CYTL1: variants seen among roughly 807,000 people sequenced by gnomAD.
CYTL1 encodes cytokine-like protein 1.
A neutral mutation model predicts 13.1 loss-of-function variants in CYTL1; 17 were observed. The observed-to-expected ratio is 1.29, with a 90% CI of 0.89 to 1.94. The LOEUF (loss-of-function observed/expected upper bound fraction) is 1.94. Ranked by LOEUF, CYTL1 falls within the 30% of genes most tolerant of loss-of-function variation. The pLI is 0.00. For synonymous variants in CYTL1, 91 were observed against 79.4 expected, an observed-to-expected ratio of 1.15 and a Z score of -0.78; for missense variants, 213 against 174.8, an observed-to-expected ratio of 1.22 and a Z score of -1.23.
At chr4:5,019,003 C>CTTTTTTTT (rs1186542271) in intron 1 of CYTL1, among the ~76,000 whole-genome samples, 697 of 89,384 alleles carry the variant, frequency 7.8e-3, no homozygotes, top group East Asian at 0.016. Flanking sequence ...TTTCTTTTTT[C>CTTTTTTTT]TTTTTTTTTT....
intron 1 of CYTL1, among the ~76,000 whole-genome samples, chr4:5,018,346 T>C (rs1456375710): frequency 1.3e-5 from 2 of 152,222 alleles, no homozygotes; most frequent in Non-Finnish European, 2.9e-5. Context: ...CTTTGTACTT[T>C]ATTTTCCAAC....
chr4:5,016,755 T>C, intron 3 of CYTL1, 81 bp downstream of exon 3: 1 of 1,548,124 alleles, frequency 6.5e-7, no homozygotes. Context: ...CACCATCTCC[T>C]CCCAACTCTC....
At chr4:5,015,278 C>A (rs1741049393) in intron 3 of CYTL1, 44 bp from the exon 4 acceptor site, 1 of 1,498,642 alleles carries the variant, frequency 6.7e-7, no homozygotes, top group South Asian at 1.2e-5. Flanking sequence ...TGAAGGTGGT[C>A]ACGGAGTCCA....
chr4:5,015,383 C>CT lies in CYTL1; in HGVS notation c.328-150dup, dbSNP rs1741051021. 7 of 607,856 alleles carry CT rather than the reference C, an allele frequency of 1.2e-5. No individual in the cohort carries two copies. In the South Asian group the frequency reaches 1.2e-4, roughly 11 times the overall value. 37.7% of individuals were successfully genotyped at this position (607,856 alleles called of 1,614,324 possible). ...CATGCCTTACTCTCCCCAAAAAGGG[C>CT]TAGTCACTTCTTGCTTCACATTCCA... On this transcript the variant is annotated intron_variant, in intron 3 of 3. Coordinates refer to ENST00000307746, the MANE Select transcript of CYTL1 (RefSeq NM_018659.3).
At chr4:5,016,588 G>A (rs946219710) in intron 3 of CYTL1, among the ~76,000 whole-genome samples, 11 of 152,186 alleles carry the variant, frequency 7.2e-5, no homozygotes, top group Admixed American at 1.3e-4. Flanking sequence ...CTATGTGGCT[G>A]GGGTGTGGTC....
intron 1 of CYTL1, among the ~76,000 whole-genome samples, chr4:5,017,783 G>A (rs1214960005): frequency 6.6e-6 from 1 of 151,968 alleles, no homozygotes; most frequent in Non-Finnish European, 1.5e-5. Flanking sequence ...TGTATATAGT[G>A]TATAATATAG....
In CYTL1 at chr4:5,017,982, T is replaced by G. The variant is rs140326675; in HGVS notation, c.154-803A>C. 3.7e-3 allele frequency among the ~76,000 whole-genome samples: 568 copies of G among 152,342 alleles called. 3 individuals carry two copies. Among genetic ancestry groups the G allele is most frequent in the African/African-American group, 0.013 (552 of 41,576 alleles). On this transcript the variant is annotated intron_variant, in intron 1 of 3. Transcript: ENST00000307746. ...TTTAGAATGCATAATCTTTCCACTT[T>G]CTTCCCGCTCTGTGGTTCAGAGCCT...
chr4:5,015,022 T>C lies in CYTL1; in HGVS notation c.*129A>G. The C allele has an allele frequency of 2.5e-6, 2 of 801,014 alleles. No individual in the cohort carries two copies. The highest frequency in any genetic ancestry group is 4.2e-6 in the Non-Finnish European group (2 of 471,328). The allele number at this position is 801,014 out of a possible 1,614,324, so 49.6% of individuals were successfully genotyped here. A position where few individuals can be genotyped will look rare whatever the true frequency, so the allele number is the denominator to read the frequency against. The stretch of plus-strand genomic sequence containing the variant: ...AATACCAGCCCTGTTTTCCAGAAGG[T>C]AGAGAGATACATAACAGTTTCAGAT... On this transcript the variant is annotated 3_prime_UTR_variant, in exon 4 of 4. Transcript: ENST00000307746.
intron 3 of CYTL1, among the ~76,000 whole-genome samples, chr4:5,015,632 C>A (rs1420934293): frequency 6.6e-6 from 1 of 152,200 alleles, no homozygotes; most frequent in Non-Finnish European, 1.5e-5. Flanking sequence ...ATTGTATCAG[C>A]TTCCTATCTT....
intron 1 of CYTL1, among the ~76,000 whole-genome samples, chr4:5,019,046 TTTG>T (rs1741139943): frequency 6.7e-6 from 1 of 148,760 alleles, no homozygotes; most frequent in Non-Finnish European, 1.5e-5. Flanking sequence ...CAACAGATCC[TTTG>T]ATATTTGCTA....
intron 1 of CYTL1, among the ~76,000 whole-genome samples, chr4:5,018,946 A>G (rs1020747358): frequency 6.8e-6 from 1 of 146,600 alleles, no homozygotes; most frequent in Non-Finnish European, 1.5e-5. Flanking sequence ...GTCCTCCTTA[A>G]CTCTGATGGG....
rs780809052 is a variant in CYTL1, at chr4:5,015,232, A to G, written c.330T>C (p.Asp110=). ...YTIMNSFCRR[D]LVFLLDDCNA... is the part of the protein sequence containing the mutation. ...TGCAGTCATCCAACAGGAATACCAA[A>G]TCCTGAAAAAGATGTGCAATGAGCA... is the stretch of plus-strand genomic sequence containing the variant. Residue 110 remains aspartate (D), a splice_region_variant and synonymous_variant, in exon 4 of 4, where the codon GAT becomes GAC. Transcript: ENST00000307746. 7 of 1,611,942 alleles carry G rather than the reference A, an allele frequency of 4.3e-6. No individual in the cohort carries two copies. The Admixed American group carries it at 1.0e-4, about 23-fold the overall frequency.
Position 5,014,974 on chromosome 4 carries a change from C to T in CYTL1, c.*177G>A, listed in dbSNP as rs1426075974. 7.8e-6 allele frequency: 5 copies of T among 643,328 alleles called. No individual in the cohort carries two copies. Among genetic ancestry groups the T allele is most frequent in the East Asian group, 2.8e-5 (1 of 35,108 alleles). 39.9% of individuals were successfully genotyped at this position (643,328 alleles called of 1,614,324 possible). On this transcript the variant is annotated 3_prime_UTR_variant, in exon 4 of 4. Transcript: ENST00000307746. ...GAGAAGCATGGTTGCTAACTCTATGCTCAAAGGAGGTTCCTGGGTAGGAAT... is the reference window on the plus strand; with the variant it reads ...GAGAAGCATGGTTGCTAACTCTATGTTCAAAGGAGGTTCCTGGGTAGGAAT...
intron 3 of CYTL1, 28 bp from the exon 4 acceptor site, chr4:5,015,262 A>G (rs761108071): frequency 1.4e-5 from 23 of 1,587,148 alleles, no homozygotes; most frequent in Non-Finnish European, 2.0e-5. Context: ...TGAGCAGGAA[A>G]GTTACTGAAG....
rs1292973055 is a variant in CYTL1 at position 5,017,119 on chromosome 4, G to A, written c.198+16C>T. 3 of 1,613,136 alleles carry A rather than the reference G, an allele frequency of 1.9e-6. No individual in the cohort carries two copies. On this transcript the variant is annotated intron_variant, in intron 2 of 3. Coordinates refer to ENST00000307746, the MANE Select transcript of CYTL1 (RefSeq NM_018659.3). ...CTCAGCCCAAGACCTCCCTCCCCCA[G>A]GGAGAACCCTCTTACGTGTATGTCC...
intron 3 of CYTL1, among the ~76,000 whole-genome samples, chr4:5,015,923 A>G (rs1741062364): frequency 6.6e-6 from 1 of 152,168 alleles, no homozygotes; most frequent in Non-Finnish European, 1.5e-5. Flanking sequence ...TCCTCAGTTC[A>G]GGACTGAGGA....
At chr4:5,015,724 A>C (rs954400441) in intron 3 of CYTL1, among the ~76,000 whole-genome samples, 7 of 152,240 alleles carry the variant, frequency 4.6e-5, no homozygotes, top group African/African-American at 1.7e-4. Flanking sequence ...ATACAGGATC[A>C]AGAAATTATA....
chr4:5,019,201 C>T, intron 1 of CYTL1, 92 bp downstream of exon 1: 1 of 1,024,916 alleles, frequency 9.8e-7, no homozygotes, highest in Non-Finnish European at 1.3e-6. Context: ...ATATCCTTTT[C>T]TCTCTCTCTC....
In CYTL1 at chr4:5,014,825, A is replaced by C; in HGVS notation, c.*326T>G. On this transcript the variant is annotated 3_prime_UTR_variant, in exon 4 of 4. Coordinates refer to ENST00000307746, the MANE Select transcript of CYTL1 (RefSeq NM_018659.3). Reference sequence around the variant, plus strand: ...ATTAAACCAGTAATAAAAACATACTATTGTGCAAGTTCTCAAAATAGTTGT... The same window carrying C: ...ATTAAACCAGTAATAAAAACATACTCTTGTGCAAGTTCTCAAAATAGTTGT... The C allele has an allele frequency of 3.3e-6, 1 of 306,316 alleles. No individual in the cohort carries two copies. Among genetic ancestry groups the C allele is most frequent in the East Asian group, 9.0e-5 (1 of 11,156 alleles). 19.0% of individuals were successfully genotyped at this position (306,316 alleles called of 1,614,324 possible). A position where few individuals can be genotyped will look rare whatever the true frequency, so the allele number is the denominator to read the frequency against.
Sources: allele counts gnomAD v4.1 joint callset (sites outside exome capture counted in the v4.1 genomes callset), GRCh38; gene constraint gnomAD v4.1.1; transcripts MANE v1.5; gene names NCBI Gene and HGNC (gene_info 2026-07-23, HGNC 2026-07-21).